The following SH2D4B variants were observed in gnomAD, a reference collection of about 807,000 sequenced individuals.
The protein encoded by SH2D4B is SH2 domain-containing protein 4B.
In SH2D4B, 45 loss-of-function variants were observed where a neutral mutation model predicts 61.5. The ratio of observed to expected loss-of-function variants is 0.73; its 90% CI spans 0.58 to 0.94. The LOEUF (loss-of-function observed/expected upper bound fraction) is 0.94. Among genes scored for constraint, SH2D4B ranks in the 40% least tolerant of loss-of-function variants. SH2D4B has a pLI of 0.00. For missense variants in SH2D4B, 572 were observed against 574.2 expected (o/e 1.00, Z 0.04); for synonymous variants, 224 against 220.4 (o/e 1.02, Z -0.14).
At position 80,596,284 on chromosome 10, in the gene SH2D4B, T is replaced by G. The variant is rs553448438; in HGVS notation, c.644-7295T>G. Among the ~76,000 whole-genome samples, 88 of 152,304 alleles carry G rather than the reference T, an allele frequency of 5.8e-4. 1 individual carries two copies. The highest frequency in any genetic ancestry group is 2.8e-3 in the Admixed American group (43 of 15,304). On this transcript the variant is annotated intron_variant, in intron 4 of 7. Transcript: ENST00000646907. ...ACATGGGTTGGAGTTGTTTTAAGAA[T>G]TGCCAAATACTGCTAAAAACTGTGC...
chr10:80,589,896 G>A (rs953767184), intron 4 of SH2D4B, among the ~76,000 whole-genome samples: 4 of 152,202 alleles, frequency 2.6e-5, no homozygotes, highest in East Asian at 3.8e-4. Flanking sequence ...TGTCAGGTTC[G>A]CAAGAAGCTA....
Position 80,538,301 on chromosome 10 carries a change from C to T in SH2D4B, c.-31C>T, listed in dbSNP as rs1841531819. The T allele has an allele frequency of 1.6e-6, 2 of 1,287,926 alleles. No homozygotes were observed. Among genetic ancestry groups the T allele is most frequent in the South Asian group, 5.5e-5 (2 of 36,128 alleles). 79.8% of individuals were successfully genotyped at this position (1,287,926 alleles called of 1,614,324 possible). On this transcript the variant is annotated 5_prime_UTR_variant, in exon 1 of 8. Coordinates refer to ENST00000646907, the MANE Select transcript of SH2D4B (RefSeq NM_001388272.1). The surrounding 1 kb of genome is among the most constrained non-coding windows in gnomAD (Gnocchi z 4.8). ...CTGGCCCTGCTTCCCCTGCTGGCTG[C>T]CCTTCTGGTGCGTGCATCCCAGGTG... is the stretch of plus-strand genomic sequence containing the variant.
intron 1 of SH2D4B, among the ~76,000 whole-genome samples, chr10:80,544,176 G>C (rs886729180): frequency 2.0e-5 from 3 of 152,180 alleles, no homozygotes; most frequent in African/African-American, 7.2e-5. Flanking sequence ...AAGGTCTGCA[G>C]CTTCACTCCT....
intron 1 of SH2D4B, among the ~76,000 whole-genome samples, chr10:80,555,352 C>T (rs1841817829): frequency 6.6e-6 from 1 of 150,712 alleles, no homozygotes; most frequent in South Asian, 2.1e-4. Flanking sequence ...GCCTACTGTT[C>T]ACATTTCTCT....
chr10:80,618,318 C>G (rs1842681881), intron 6 of SH2D4B, among the ~76,000 whole-genome samples: 1 of 152,238 alleles, frequency 6.6e-6, no homozygotes, highest in Non-Finnish European at 1.5e-5. Flanking sequence ...TGATACCACT[C>G]TCTCATGAAC....
chr10:80,576,594 C>A (rs1010496911), intron 3 of SH2D4B, among the ~76,000 whole-genome samples: 1 of 152,164 alleles, frequency 6.6e-6, no homozygotes, highest in African/African-American at 2.4e-5. Context: ...AATAGTTAAG[C>A]CTAGGCTAAA....
Position 80,538,448 on chromosome 10 carries a change from GA to G in SH2D4B, c.119del (p.Lys40ArgfsTer33). 1 of 1,498,986 alleles carries G rather than the reference GA, an allele frequency of 6.7e-7. No homozygotes were observed. The allele number at this position is 1,498,986 out of a possible 1,614,324, so 92.9% of individuals were successfully genotyped here. ...KMREEQLRRW[K>X]ERETWEALAQ... ...TGCGGGAGGAGCAGCTGAGGCGCTG[GA>G]AGGAGCGGGAGACTTGGGAGGCCCT... On this transcript the variant is annotated frameshift_variant, in exon 1 of 8. Coordinates refer to ENST00000646907, the MANE Select transcript of SH2D4B (RefSeq NM_001388272.1). LOFTEE classifies it high-confidence loss of function. This position sits in a 1 kb window ranked among gnomAD's most constrained non-coding sequence, Gnocchi z 4.8.
intron 4 of SH2D4B, among the ~76,000 whole-genome samples, chr10:80,590,014 T>G (rs1842308022): frequency 6.6e-6 from 1 of 152,098 alleles, no homozygotes; most frequent in Non-Finnish European, 1.5e-5. Flanking sequence ...AAATGACACT[T>G]GTAAAGGAAG....
At chr10:80,630,402 G>A (rs988231152) in intron 6 of SH2D4B, among the ~76,000 whole-genome samples, 2 of 152,232 alleles carry the variant, frequency 1.3e-5, no homozygotes, top group Admixed American at 6.5e-5. Flanking sequence ...CCCCAGCCTT[G>A]AGCGGCTCAT....
chr10:80,559,958 A>C (rs1010681896), intron 1 of SH2D4B, among the ~76,000 whole-genome samples: 31 of 147,300 alleles, frequency 2.1e-4, no homozygotes, highest in Non-Finnish European at 3.1e-4. Context: ...TTTTCTTGCT[A>C]TATAGTACTG....
intron 4 of SH2D4B, among the ~76,000 whole-genome samples, chr10:80,594,091 G>A (rs1842361381): frequency 6.6e-6 from 1 of 152,190 alleles, no homozygotes; most frequent in South Asian, 2.1e-4. Flanking sequence ...TGGGATTACA[G>A]ATGTTAGCCA....
intron 1 of SH2D4B, chr10:80,540,799 C>T: frequency 6.5e-7 from 1 of 1,546,110 alleles, no homozygotes; most frequent in South Asian, 1.2e-5. Flanking sequence ...AACTCGAGTG[C>T]CAAGGGTGAG....
At chr10:80,550,451 G>A (rs896566317) in intron 1 of SH2D4B, among the ~76,000 whole-genome samples, 9 of 152,070 alleles carry the variant, frequency 5.9e-5, no homozygotes, top group Admixed American at 3.3e-4. Flanking sequence ...AAAACTAGCC[G>A]GGCATGGTGG....
chr10:80,601,757 T>C (rs1842453916), intron 4 of SH2D4B, among the ~76,000 whole-genome samples: 1 of 152,244 alleles, frequency 6.6e-6, no homozygotes, highest in Admixed American at 6.5e-5. Context: ...AAATGCTTTC[T>C]TTCAGGAACA....
At chr10:80,609,374 T>G in intron 5 of SH2D4B, 50 bp from the exon 6 acceptor site, 2 of 1,481,572 alleles carry the variant, frequency 1.3e-6, no homozygotes, top group Non-Finnish European at 1.8e-6. Context: ...CTCCCTCCGC[T>G]CTTTCTCCCT....
In SH2D4B at chr10:80,538,494, A is replaced by G. The variant is rs1841536477; in HGVS notation, c.163A>G (p.Arg55Gly). Residue 55 changes from arginine (R) to glycine (G), a missense_variant, in exon 1 of 8, where the codon AGG becomes GGG. Coordinates refer to ENST00000646907, the MANE Select transcript of SH2D4B (RefSeq NM_001388272.1). The surrounding 1 kb of genome is among the most constrained non-coding windows in gnomAD (Gnocchi z 4.8). The stretch of plus-strand genomic sequence containing the variant: ...GGCCCTGGCCCAGGACGAGGGTCTC[A>G]GGCCTCCAAAGACCAAGCGAGGTAC... ...WEALAQDEGL[R>G]PPKTKRAASD... 1 of 1,423,108 alleles carries G rather than the reference A, an allele frequency of 7.0e-7. No individual in the cohort carries two copies. Among genetic ancestry groups the G allele is most frequent in the Non-Finnish European group, 9.2e-7 (1 of 1,086,460 alleles). The allele number at this position is 1,423,108 out of a possible 1,614,324, so 88.2% of individuals were successfully genotyped here.
chr10:80,635,308 T>C (rs188387984), intron 7 of SH2D4B, among the ~76,000 whole-genome samples: 13 of 152,254 alleles, frequency 8.5e-5, no homozygotes, highest in African/African-American at 2.9e-4. Flanking sequence ...AAGCCAGAGG[T>C]GGAACTCAGT....
chr10:80,624,725 C>G (rs1422328461), intron 6 of SH2D4B, among the ~76,000 whole-genome samples: 1 of 152,172 alleles, frequency 6.6e-6, no homozygotes, highest in Non-Finnish European at 1.5e-5. Context: ...TTCAGGGACA[C>G]AGACAACCAG....
At position 80,629,142 on chromosome 10, in the gene SH2D4B, C is replaced by G. The variant is rs149395160; in HGVS notation, c.989-5143C>G. 2.5e-3 allele frequency among the ~76,000 whole-genome samples: 376 copies of G among 152,228 alleles called. 1 individual carries two copies. Among genetic ancestry groups the G allele is most frequent in the African/African-American group, 8.0e-3 (333 of 41,520 alleles). On this transcript the variant is annotated intron_variant, in intron 6 of 7. Coordinates refer to ENST00000646907, the MANE Select transcript of SH2D4B (RefSeq NM_001388272.1). ...TATAGGCTGTACAGGAAATATGGCCCTAGCATCTGCTCGGCTTCCAATGAG... is the reference window on the plus strand; with the variant it reads ...TATAGGCTGTACAGGAAATATGGCCGTAGCATCTGCTCGGCTTCCAATGAG...
Sources: gnomAD v4.1 joint callset for allele counts (sites outside exome capture counted in the v4.1 genomes callset) on GRCh38, gnomAD v4.1.1 for gene constraint, Gnocchi (gnomAD v3.1) non-coding constraint, MANE v1.5 for transcripts, NCBI Gene and HGNC (gene_info 2026-07-23, HGNC 2026-07-21) for gene names.